Variants in SLC39A11 observed in about 807,000 individuals in gnomAD.
SLC39A11 encodes zinc transporter ZIP11.
SLC39A11 carries 33 observed loss-of-function variants against 36.1 expected under a neutral mutation model. The observed-to-expected ratio is 0.91, with a 90% CI of 0.69 to 1.22. The LOEUF is 1.22. Ranked by LOEUF, SLC39A11 falls within the 50% of genes most tolerant of loss-of-function variation. SLC39A11 has a pLI of 0.00. For synonymous variants in SLC39A11, 166 were observed against 170.3 expected, an observed-to-expected ratio of 0.97 and a Z score of 0.20; for missense variants, 432 against 430.3, an observed-to-expected ratio of 1.00 and a Z score of -0.03.
At chr17:73,082,056 C>G (rs567734622) in intron 3 of SLC39A11, among the ~76,000 whole-genome samples, 1 of 143,138 alleles carries the variant, frequency 7.0e-6, no homozygotes, top group East Asian at 2.0e-4. Flanking sequence ...CAGAAATTAC[C>G]GCTAAAGAAC....
chr17:72,907,256 G>C (rs374910667), intron 5 of SLC39A11, among the ~76,000 whole-genome samples: 5 of 152,196 alleles, frequency 3.3e-5, no homozygotes, highest in Non-Finnish European at 7.3e-5. Flanking sequence ...TCGGGAGGCC[G>C]AGGCGGGCGC....
chr17:72,764,909 G>T (rs1021731292), intron 6 of SLC39A11, among the ~76,000 whole-genome samples: 1 of 152,194 alleles, frequency 6.6e-6, no homozygotes, highest in Non-Finnish European at 1.5e-5. Flanking sequence ...TTATAACAGT[G>T]AGAAAATCAT....
At chr17:72,961,837 T>A (rs1568028529) in intron 4 of SLC39A11, among the ~76,000 whole-genome samples, 1 of 152,176 alleles carries the variant, frequency 6.6e-6, no homozygotes, top group African/African-American at 2.4e-5. Flanking sequence ...TGTATACCTA[T>A]GTATCAAACC....
chr17:72,970,518 TA>T (rs777262542), intron 4 of SLC39A11, among the ~76,000 whole-genome samples: 60 of 152,236 alleles, frequency 3.9e-4, no homozygotes, highest in Non-Finnish European at 5.4e-4. Flanking sequence ...GCAAAGCTGC[TA>T]GTAAGAGAAA....
chr17:72,871,406 G>A (rs1012016334), intron 5 of SLC39A11, among the ~76,000 whole-genome samples: 3 of 152,068 alleles, frequency 2.0e-5, no homozygotes, highest in Non-Finnish European at 4.4e-5. Context: ...CATGTGTGCG[G>A]TGCCTTTTGG....
intron 6 of SLC39A11, among the ~76,000 whole-genome samples, chr17:72,788,089 T>C (rs2076578967): frequency 6.6e-6 from 1 of 152,204 alleles, no homozygotes; most frequent in South Asian, 2.1e-4. Context: ...TCAAGTAAAC[T>C]TTTATTTATT....
chr17:72,716,353 T>C (rs74918265), intron 7 of SLC39A11, among the ~76,000 whole-genome samples: 1 of 151,938 alleles, frequency 6.6e-6, no homozygotes, highest in Non-Finnish European at 1.5e-5. Flanking sequence ...TTTTTTTTTT[T>C]GTTGTTTGTT....
At chr17:72,731,356 G>A (rs2074206494) in intron 7 of SLC39A11, among the ~76,000 whole-genome samples, 1 of 152,184 alleles carries the variant, frequency 6.6e-6, no homozygotes, top group South Asian at 2.1e-4. Context: ...GTTTGGATCT[G>A]TGTCTCCGCC....
At chr17:72,652,977 C>T (rs901297456) in intron 7 of SLC39A11, among the ~76,000 whole-genome samples, 1 of 152,178 alleles carries the variant, frequency 6.6e-6, no homozygotes, top group African/African-American at 2.4e-5. Context: ...CTCCAGACCC[C>T]CCTGAGCCCC....
At chr17:72,932,011 A>G (rs2084427732) in intron 5 of SLC39A11, among the ~76,000 whole-genome samples, 1 of 152,172 alleles carries the variant, frequency 6.6e-6, no homozygotes, top group Non-Finnish European at 1.5e-5. Context: ...TCTATAATTT[A>G]TCACATCGAT....
intron 5 of SLC39A11, among the ~76,000 whole-genome samples, chr17:72,936,848 C>T (rs1426218556): frequency 1.3e-5 from 2 of 152,214 alleles, no homozygotes; most frequent in African/African-American, 4.8e-5. Flanking sequence ...TCACGTGTGC[C>T]GTTCACAACA....
chr17:72,815,756 T>C (rs1480178857), intron 6 of SLC39A11, among the ~76,000 whole-genome samples: 2 of 152,190 alleles, frequency 1.3e-5, no homozygotes, highest in African/African-American at 4.8e-5. Flanking sequence ...ACCCTGCCTC[T>C]ACTAAAAATA....
At chr17:73,021,445 T>A (rs1462474024) in intron 4 of SLC39A11, among the ~76,000 whole-genome samples, 1 of 152,038 alleles carries the variant, frequency 6.6e-6, no homozygotes, top group Non-Finnish European at 1.5e-5. Context: ...GTTCAAGCAA[T>A]TCTTGTGCCT....
At chr17:72,799,956 C>T (rs745761236) in intron 6 of SLC39A11, among the ~76,000 whole-genome samples, 1 of 152,086 alleles carries the variant, frequency 6.6e-6, no homozygotes, top group Non-Finnish European at 1.5e-5. Flanking sequence ...CGGTCTGAGA[C>T]TCAGGCGGGC....
intron 6 of SLC39A11, among the ~76,000 whole-genome samples, chr17:72,746,961 C>T (rs904946899): frequency 2.0e-5 from 3 of 147,282 alleles, no homozygotes. Context: ...GAGGAAGGAT[C>T]GTTTGAGCCC....
rs140724844 is a variant in SLC39A11 at position 73,037,782 on chromosome 17, A to G, written c.148-6068T>C. Among the ~76,000 whole-genome samples, 211 of 152,352 alleles carry G rather than the reference A, an allele frequency of 1.4e-3. 1 individual carries two copies. Among genetic ancestry groups the G allele is most frequent in the African/African-American group, 5.0e-3 (206 of 41,588 alleles). On this transcript the variant is annotated intron_variant, in intron 3 of 9. Transcript: ENST00000255559. Reference sequence around the variant, plus strand: ...TTTTGCCTCTTTATTCCTGAAATGAAAATGAAAAGCCCACCCAATCGAATG... The same window carrying G: ...TTTTGCCTCTTTATTCCTGAAATGAGAATGAAAAGCCCACCCAATCGAATG...
At chr17:72,774,842 C>T (rs1426887720) in intron 6 of SLC39A11, among the ~76,000 whole-genome samples, 2 of 152,168 alleles carry the variant, frequency 1.3e-5, no homozygotes, top group Non-Finnish European at 2.9e-5. Context: ...CTTTCTAAGT[C>T]AAGGTCAAGG....
chr17:72,787,885 T>A (rs2076574225), intron 6 of SLC39A11, among the ~76,000 whole-genome samples: 1 of 152,140 alleles, frequency 6.6e-6, no homozygotes, highest in South Asian at 2.1e-4. Context: ...ACTGGGCGCA[T>A]CCAGTTATTT....
At chr17:72,973,047 A>G (rs761513614) in intron 4 of SLC39A11, among the ~76,000 whole-genome samples, 2 of 151,430 alleles carry the variant, frequency 1.3e-5, no homozygotes, top group Non-Finnish European at 2.9e-5. Flanking sequence ...TTGTGCCCAC[A>G]TGCACACCAC....
Sources: gnomAD v4.1 joint callset for allele counts (sites outside exome capture counted in the v4.1 genomes callset) on GRCh38, gnomAD v4.1.1 for gene constraint, MANE v1.5 for transcripts, NCBI Gene and HGNC (gene_info 2026-07-23, HGNC 2026-07-21) for gene names.